Variants in SPATA31H1 observed in about 807,000 individuals in gnomAD.
SPATA31H1 encodes the protein SPATA31 subfamily H member 1.
the SPATA31H1 span, chr2:27,565,424 C>A: frequency 5.6e-6 from 4 of 717,180 alleles, no homozygotes; most frequent in Middle Eastern, 2.3e-4. Context: ...AGGTTAATAA[C>A]AGACCAATTG....
At chr2:27,577,372 C>A in the SPATA31H1 span, 28 of 1,613,870 alleles carry the variant, frequency 1.7e-5, no homozygotes, top group Non-Finnish European at 2.2e-5. This position sits in a 1 kb window ranked among gnomAD's most constrained non-coding sequence, Gnocchi z 4.5. Context: ...GGGATTACTC[C>A]GGAACTCAAG....
the SPATA31H1 span, among the ~76,000 whole-genome samples, chr2:27,560,957 C>A: frequency 2.7e-4 from 41 of 152,252 alleles, no homozygotes; most frequent in East Asian, 7.7e-3. Flanking sequence ...GTGAAGGCAA[C>A]TTTCTTTGCA....
the SPATA31H1 span, chr2:27,581,580 C>T: frequency 6.8e-7 from 1 of 1,465,132 alleles, no homozygotes; most frequent in Admixed American, 2.1e-5. Flanking sequence ...TGAGAGAAGA[C>T]ATCGCAGTCC....
the SPATA31H1 span, among the ~76,000 whole-genome samples, chr2:27,565,582 C>T: frequency 6.6e-6 from 1 of 152,142 alleles, no homozygotes; most frequent in Non-Finnish European, 1.5e-5. Flanking sequence ...TTCCATGGTT[C>T]CTTTCCTTAT....
chr2:27,579,829 TAGA>T, the SPATA31H1 span: 20 of 1,614,090 alleles, frequency 1.2e-5, no homozygotes, highest in Non-Finnish European at 1.7e-5. Context: ...TTCCAGTTGC[TAGA>T]AGATCTGCAG....
At chr2:27,567,625 C>T in the SPATA31H1 span, 6 of 401,936 alleles carry the variant, frequency 1.5e-5, no homozygotes, top group Non-Finnish European at 2.2e-5. Context: ...TTAGTTACAT[C>T]AATGGGCAGT....
At chr2:27,578,520 A>T in the SPATA31H1 span, 19 of 1,613,874 alleles carry the variant, frequency 1.2e-5, no homozygotes, top group Non-Finnish European at 1.5e-5. Context: ...TGCAGAATTA[A>T]CTCCAAGTCC....
At chr2:27,576,526 A>C in the SPATA31H1 span, 3 of 1,437,314 alleles carry the variant, frequency 2.1e-6, no homozygotes, top group Non-Finnish European at 2.8e-6. Context: ...CAATGCGTTA[A>C]ATCTGTGGCC....
the SPATA31H1 span, among the ~76,000 whole-genome samples, chr2:27,552,981 A>C: frequency 6.6e-6 from 1 of 151,970 alleles, no homozygotes; most frequent in Non-Finnish European, 1.5e-5. Flanking sequence ...TTCCTTGCCT[A>C]ATTGCTCTGG....
At chr2:27,540,034 T>C in the SPATA31H1 span, among the ~76,000 whole-genome samples, 1 of 100,348 alleles carries the variant, frequency 1.0e-5, no homozygotes, top group Non-Finnish European at 2.0e-5. Context: ...CCCACCTCCC[T>C]CCCGGACGGG....
chr2:27,544,529 A>ATTTTTT, the SPATA31H1 span, among the ~76,000 whole-genome samples: 4 of 125,120 alleles, frequency 3.2e-5, no homozygotes, highest in Non-Finnish European at 4.9e-5. Flanking sequence ...GTTGACAACA[A>ATTTTTT]TTTTTTTTTT....
chr2:27,542,804 GAC>G, the SPATA31H1 span, among the ~76,000 whole-genome samples: 1 of 151,966 alleles, frequency 6.6e-6, no homozygotes, highest in Non-Finnish European at 1.5e-5. Context: ...AAAACAAAAA[GAC>G]AACATACAGT....
the SPATA31H1 span, chr2:27,579,691 G>A: frequency 6.2e-7 from 1 of 1,614,172 alleles, no homozygotes; most frequent in Admixed American, 1.7e-5. Context: ...TTTTACGATA[G>A]AGAAGATCTT....
chr2:27,573,643 T>G, the SPATA31H1 span: 2 of 398,338 alleles, frequency 5.0e-6, no homozygotes, highest in African/African-American at 4.1e-5. Context: ...TCTATGGCAT[T>G]CAAACCTGGG....
chr2:27,544,529 ATTTTTTTTTT>A, the SPATA31H1 span, among the ~76,000 whole-genome samples: 2 of 125,106 alleles, frequency 1.6e-5, no homozygotes, highest in African/African-American at 3.0e-5. Context: ...GTTGACAACA[ATTTTTTTTTT>A]TTTTTTTTTT....
At chr2:27,577,983 A>G in the SPATA31H1 span, 1 of 1,614,166 alleles carries the variant, frequency 6.2e-7, no homozygotes, top group Admixed American at 1.7e-5. The surrounding 1 kb of genome is among the most constrained non-coding windows in gnomAD (Gnocchi z 4.5). Context: ...ACTGGGTCGA[A>G]TTGTAGAATT....
the SPATA31H1 span, chr2:27,576,704 T>G: frequency 6.2e-7 from 1 of 1,614,082 alleles, no homozygotes; most frequent in Admixed American, 1.7e-5. Context: ...CACTGTTGAC[T>G]AGTGTCAGAT....
At chr2:27,576,132 G>T in the SPATA31H1 span, 1 of 403,032 alleles carries the variant, frequency 2.5e-6, no homozygotes, top group South Asian at 1.2e-4. Context: ...AGATTCTATG[G>T]AGTGCAAACT....
the SPATA31H1 span, among the ~76,000 whole-genome samples, chr2:27,544,660 A>C: frequency 6.6e-6 from 1 of 151,072 alleles, no homozygotes; most frequent in East Asian, 1.9e-4. Flanking sequence ...TCAGCCTACC[A>C]AGTAGCTGGG....
Sources: allele counts gnomAD v4.1 joint callset (sites outside exome capture counted in the v4.1 genomes callset), GRCh38; gene constraint gnomAD v4.1.1; non-coding constraint Gnocchi (gnomAD v3.1); transcripts MANE v1.5; gene names NCBI Gene and HGNC (gene_info 2026-07-23, HGNC 2026-07-21).